The following NPL variants were observed in gnomAD, a reference collection of about 807,000 sequenced individuals.
NPL encodes the protein N-acetylneuraminate lyase.
A neutral mutation model predicts 41.1 loss-of-function variants in NPL; 32 were observed. The observed-to-expected ratio is 0.78, with a 90% CI of 0.59 to 1.05. The LOEUF (loss-of-function observed/expected upper bound fraction) is 1.05. Ranked by LOEUF, NPL falls within the 50% of genes least tolerant of loss-of-function variation. NPL has a pLI of 0.00. For missense variants in NPL, 321 were observed against 378.4 expected (o/e 0.85, Z 1.26); for synonymous variants, 128 against 134.9 (o/e 0.95, Z 0.35).
At chr1:182,807,103 G>A (rs1211660867) in intron 5 of NPL, among the ~76,000 whole-genome samples, 2 of 152,172 alleles carry the variant, frequency 1.3e-5, no homozygotes, top group Non-Finnish European at 2.9e-5. Context: ...CTCCCAAAGT[G>A]TTGGGATTAC....
At chr1:182,812,311 G>A in intron 6 of NPL, 98 bp downstream of exon 6, 1 of 1,049,202 alleles carries the variant, frequency 9.5e-7, no homozygotes, top group South Asian at 1.3e-5. Context: ...AGTAGATGGT[G>A]TGCCTGAAGA....
intron 4 of NPL, 105 bp from the exon 5 acceptor site, chr1:182,806,040 C>T: frequency 7.4e-7 from 1 of 1,344,966 alleles, no homozygotes; most frequent in South Asian, 1.2e-5. Flanking sequence ...TTTTCCCCTC[C>T]TGACCATCCT....
chr1:182,824,000 T>C (rs1451281904), intron 11 of NPL, among the ~76,000 whole-genome samples: 1 of 152,254 alleles, frequency 6.6e-6, no homozygotes, highest in Non-Finnish European at 1.5e-5. Flanking sequence ...TGGTTTCTGC[T>C]CTTAAAGAGC....
At chr1:182,802,149 G>C (rs1571430345) in intron 3 of NPL, among the ~76,000 whole-genome samples, 2 of 152,376 alleles carry the variant, frequency 1.3e-5, no homozygotes, top group African/African-American at 4.8e-5. Context: ...CCCAGCCTTT[G>C]CTGAACACCT....
intron 1 of NPL, among the ~76,000 whole-genome samples, chr1:182,791,557 T>TC (rs1666516156): frequency 6.6e-6 from 1 of 152,154 alleles, no homozygotes; most frequent in Non-Finnish European, 1.5e-5. Context: ...GAAGAGGGAT[T>TC]AGGACAGTGA....
At chr1:182,812,266 T>C in intron 6 of NPL, 53 bp downstream of exon 6, 4 of 1,493,506 alleles carry the variant, frequency 2.7e-6, no homozygotes, top group Non-Finnish European at 2.8e-6. Context: ...TCCATTTTTA[T>C]GCCGCAGTTA....
chr1:182,823,115 T>C (rs1309464068), intron 11 of NPL, among the ~76,000 whole-genome samples: 1 of 152,202 alleles, frequency 6.6e-6, no homozygotes, highest in Non-Finnish European at 1.5e-5. Flanking sequence ...AGCAAGACTT[T>C]TGGGGTCTGA....
At chr1:182,825,753 T>C (rs765989714) in intron 11 of NPL, 28 bp from the exon 12 acceptor site, 1 of 1,387,322 alleles carries the variant, frequency 7.2e-7, no homozygotes, top group Non-Finnish European at 1.0e-6. Context: ...TCAATAATAC[T>C]AACTATAGAT....
chr1:182,822,014 A>G, intron 10 of NPL, 101 bp from the exon 11 acceptor site: 1 of 787,742 alleles, frequency 1.3e-6, no homozygotes, highest in African/African-American at 1.7e-5. Context: ...CTTTAGGAGG[A>G]CTAGGTGTAT....
intron 5 of NPL, among the ~76,000 whole-genome samples, chr1:182,807,302 A>C (rs1484701853): frequency 1.3e-5 from 2 of 152,200 alleles, no homozygotes; most frequent in Admixed American, 6.5e-5. Context: ...GTATAAAAAA[A>C]AAGGGAGTAA....
At chr1:182,816,140 A>G (rs1169266606) in intron 7 of NPL, among the ~76,000 whole-genome samples, 3 of 152,170 alleles carry the variant, frequency 2.0e-5, no homozygotes, top group Admixed American at 6.5e-5. Flanking sequence ...CTCACATGAG[A>G]TGATGCAGGA....
intron 3 of NPL, chr1:182,795,700 T>G (rs1666642353): frequency 6.6e-6 from 1 of 152,080 alleles, no homozygotes; most frequent in Admixed American, 6.6e-5. Flanking sequence ...TAATAATAAT[T>G]TTTTTTCTGT....
At chr1:182,806,966 G>A (rs1667032495) in intron 5 of NPL, among the ~76,000 whole-genome samples, 1 of 152,104 alleles carries the variant, frequency 6.6e-6, no homozygotes, top group South Asian at 2.1e-4. Flanking sequence ...AGCCTCCCGA[G>A]TAGCTGGGAC....
intron 12 of NPL, among the ~76,000 whole-genome samples, chr1:182,827,953 G>A (rs552953629): frequency 1.8e-4 from 28 of 152,190 alleles, no homozygotes; most frequent in African/African-American, 4.6e-4. Context: ...CCAGTCTTTC[G>A]GTTAATTTTT....
chr1:182,820,369 G>A (rs1667455864), intron 10 of NPL, among the ~76,000 whole-genome samples: 1 of 152,186 alleles, frequency 6.6e-6, no homozygotes, highest in Non-Finnish European at 1.5e-5. Flanking sequence ...CTGGCTGTGA[G>A]GAAGAGTGAC....
chr1:182,811,220 ATTTATT>A (rs1425335606), intron 5 of NPL, among the ~76,000 whole-genome samples: 1 of 152,012 alleles, frequency 6.6e-6, no homozygotes, highest in Non-Finnish European at 1.5e-5. Flanking sequence ...AGAATTTATT[ATTTATT>A]TTTATTTTTA....
intron 11 of NPL, among the ~76,000 whole-genome samples, chr1:182,824,551 A>C (rs1429530520): frequency 1.3e-5 from 2 of 152,158 alleles, no homozygotes; most frequent in Non-Finnish European, 2.9e-5. Flanking sequence ...TAATCCCAGC[A>C]CTTTGGGAGG....
chr1:182,811,531 T>G (rs960185788), intron 5 of NPL, among the ~76,000 whole-genome samples: 2 of 152,162 alleles, frequency 1.3e-5, no homozygotes, highest in Non-Finnish European at 2.9e-5. Flanking sequence ...ACCTAACCTA[T>G]AATTGATTTT....
At chr1:182,813,774 T>G (rs1667245567) in intron 6 of NPL, among the ~76,000 whole-genome samples, 1 of 152,220 alleles carries the variant, frequency 6.6e-6, no homozygotes, top group Non-Finnish European at 1.5e-5. Flanking sequence ...GATGCTTGAA[T>G]GGACACTGCC....
Sources: allele counts gnomAD v4.1 joint callset (sites outside exome capture counted in the v4.1 genomes callset), GRCh38; gene constraint gnomAD v4.1.1; transcripts MANE v1.5; gene names NCBI Gene and HGNC (gene_info 2026-07-23, HGNC 2026-07-21).